Variants in CDK6 observed in about 807,000 individuals in gnomAD.
CDK6 encodes cyclin dependent kinase 6, also known as cyclin-dependent kinase 6.
A neutral mutation model predicts 37.1 loss-of-function variants in CDK6; 6 were observed. That is an observed-to-expected ratio of 0.16 (90% CI 0.09 to 0.32). CDK6 has a LOEUF of 0.32. CDK6 is among the 10% of genes least tolerant of loss of function. The pLI is 1.00. For missense variants in CDK6, 224 were observed against 418.9 expected, an observed-to-expected ratio of 0.53 and a Z score of 4.06; for synonymous variants, 160 against 161.3, an observed-to-expected ratio of 0.99 and a Z score of 0.06.
chr7:92,670,215 A>G (rs1452873295), intron 5 of CDK6, among the ~76,000 whole-genome samples: 1 of 152,178 alleles, frequency 6.6e-6, no homozygotes, highest in African/African-American at 2.4e-5. Flanking sequence ...AGCATAAAAG[A>G]AGAGGTTTGA....
intron 2 of CDK6, among the ~76,000 whole-genome samples, chr7:92,792,916 GA>G (rs1340278081): frequency 2.0e-5 from 3 of 151,434 alleles, no homozygotes; most frequent in Non-Finnish European, 4.4e-5. Context: ...AAAACAAGCA[GA>G]ATAGCATCCC....
At chr7:92,672,242 C>CACACATAT (rs1374477819) in intron 4 of CDK6, among the ~76,000 whole-genome samples, 2 of 116,598 alleles carry the variant, frequency 1.7e-5, no homozygotes, top group East Asian at 2.4e-4. Flanking sequence ...CACACACACA[C>CACACATAT]ATATATGAAG....
At chr7:92,672,160 T>TATATATATATACACAC (rs1210519115) in intron 4 of CDK6, among the ~76,000 whole-genome samples, 2 of 79,078 alleles carry the variant, frequency 2.5e-5, no homozygotes, top group African/African-American at 5.5e-5. Flanking sequence ...TATATATATA[T>TATATATATATACACAC]ACACATACAC....
chr7:92,766,706 C>T (rs753291866), intron 3 of CDK6, among the ~76,000 whole-genome samples: 4 of 152,160 alleles, frequency 2.6e-5, no homozygotes, highest in East Asian at 1.9e-4. Context: ...CTTCCTTCTA[C>T]GCAGAAGAGC....
chr7:92,705,188 GA>G (rs1254355443), intron 4 of CDK6, among the ~76,000 whole-genome samples: 1 of 152,108 alleles, frequency 6.6e-6, no homozygotes, highest in Non-Finnish European at 1.5e-5. Flanking sequence ...ACATCCTTTA[GA>G]AAATTCTTGG....
At chr7:92,660,409 G>A (rs1284788689) in intron 5 of CDK6, among the ~76,000 whole-genome samples, 1 of 152,182 alleles carries the variant, frequency 6.6e-6, no homozygotes, top group Non-Finnish European at 1.5e-5. Flanking sequence ...AAAACTTTGA[G>A]GCATGTTTTG....
chr7:92,699,215 T>C (rs1797789085), intron 4 of CDK6, among the ~76,000 whole-genome samples: 1 of 152,162 alleles, frequency 6.6e-6, no homozygotes, highest in South Asian at 2.1e-4. Flanking sequence ...AGCTTTCACA[T>C]TTTAGGATCC....
intron 5 of CDK6, among the ~76,000 whole-genome samples, chr7:92,650,494 C>T (rs1014168706): frequency 4.6e-5 from 7 of 152,064 alleles, no homozygotes; most frequent in African/African-American, 1.7e-4. Flanking sequence ...AAATTACCAC[C>T]AATTTAGTGG....
chr7:92,652,192 T>C (rs1374743038), intron 5 of CDK6, among the ~76,000 whole-genome samples: 1 of 152,198 alleles, frequency 6.6e-6, no homozygotes, highest in African/African-American at 2.4e-5. Flanking sequence ...TTGGGAAAAA[T>C]GCAAGACATG....
intron 4 of CDK6, among the ~76,000 whole-genome samples, chr7:92,723,501 T>C (rs1487556512): frequency 6.6e-6 from 1 of 152,202 alleles, no homozygotes; most frequent in Non-Finnish European, 1.5e-5. Context: ...TAAAAAACTA[T>C]GATTCCAAGT....
At chr7:92,621,127 T>A (rs1795797294) in intron 6 of CDK6, among the ~76,000 whole-genome samples, 1 of 152,226 alleles carries the variant, frequency 6.6e-6, no homozygotes. Context: ...AATCTATAAA[T>A]GGCAGTGATG....
chr7:92,728,238 T>TA (rs1433526170), intron 3 of CDK6, among the ~76,000 whole-genome samples: 1 of 152,212 alleles, frequency 6.6e-6, no homozygotes, highest in African/African-American at 2.4e-5. Flanking sequence ...GAAAAATCAC[T>TA]AAAAAATTCC....
intron 5 of CDK6, among the ~76,000 whole-genome samples, chr7:92,658,576 T>C (rs1482172229): frequency 7.0e-6 from 1 of 142,414 alleles, no homozygotes; most frequent in Non-Finnish European, 1.6e-5. Context: ...ATAAACTCTC[T>C]CTCTTTCTCT....
At chr7:92,707,241 G>C (rs1040539983) in intron 4 of CDK6, among the ~76,000 whole-genome samples, 7 of 152,044 alleles carry the variant, frequency 4.6e-5, no homozygotes, top group African/African-American at 1.7e-4. Flanking sequence ...ATTAAGATAG[G>C]TACTGTCATT....
In CDK6 at chr7:92,668,260, T is replaced by C. The variant is rs2116596368; in HGVS notation, c.647+3166A>G. On this transcript the variant is annotated intron_variant, in intron 5 of 7. Coordinates refer to ENST00000424848, the MANE Select transcript of CDK6 (RefSeq NM_001145306.2). ...TATACCATATAACCTAGGTGTGTAG[T>C]AGGCTACACCATCTAGATTTATGTA... is the stretch of plus-strand genomic sequence containing the variant. 2.0e-5 allele frequency among the ~76,000 whole-genome samples: 3 copies of C among 152,316 alleles called. No homozygotes were observed. In the Middle Eastern group the frequency reaches 0.01, roughly 518 times the overall value.
intron 3 of CDK6, among the ~76,000 whole-genome samples, chr7:92,760,441 ATGT>A (rs1454249373): frequency 6.6e-6 from 1 of 152,180 alleles, no homozygotes; most frequent in Non-Finnish European, 1.5e-5. Flanking sequence ...AAGTGACACT[ATGT>A]TGTTAATTCT....
intron 3 of CDK6, among the ~76,000 whole-genome samples, chr7:92,771,285 G>A (rs537630178): frequency 9.4e-5 from 13 of 138,222 alleles, no homozygotes; most frequent in East Asian, 2.0e-4. Flanking sequence ...ATGTGACTCC[G>A]TCTCAAAAAA....
intron 3 of CDK6, among the ~76,000 whole-genome samples, chr7:92,760,122 T>C (rs914849832): frequency 1.3e-5 from 2 of 152,186 alleles, no homozygotes; most frequent in Non-Finnish European, 2.9e-5. Flanking sequence ...GCAACTTTAC[T>C]GTATTCTGTA....
chr7:92,712,154 C>T (rs374260490), intron 4 of CDK6, among the ~76,000 whole-genome samples: 2 of 147,210 alleles, frequency 1.4e-5, no homozygotes, highest in Admixed American at 6.7e-5. Flanking sequence ...AGCAAGACTC[C>T]GTCCCAAAAA....
Sources: gnomAD v4.1 joint callset for allele counts (sites outside exome capture counted in the v4.1 genomes callset) on GRCh38, gnomAD v4.1.1 for gene constraint, MANE v1.5 for transcripts, NCBI Gene and HGNC (gene_info 2026-07-23, HGNC 2026-07-21) for gene names.